Variants in SYNJ2 observed in about 807,000 individuals in gnomAD.
SYNJ2 encodes the protein polyphosphatidylinositol phosphatase SYNJ2.
SYNJ2 carries 116 observed loss-of-function variants against 141.3 expected under a neutral mutation model. The observed-to-expected ratio is 0.82, with a 90% CI of 0.71 to 0.96. The LOEUF (loss-of-function observed/expected upper bound fraction) is 0.96, where lower values mean the gene tolerates loss of function less well. Ranked by LOEUF, SYNJ2 falls within the 40% of genes least tolerant of loss-of-function variation. SYNJ2 has a pLI of 0.00. For synonymous variants in SYNJ2, 745 were observed against 777.7 expected, an observed-to-expected ratio of 0.96 and a Z score of 0.70; for missense variants, 1,873 against 1,934.8, an observed-to-expected ratio of 0.97 and a Z score of 0.60.
At chr6:158,068,772 C>T in intron 13 of SYNJ2, 44 bp downstream of exon 13, 1 of 1,605,608 alleles carries the variant, frequency 6.2e-7, no homozygotes, top group South Asian at 1.1e-5. Flanking sequence ...CTTCCTGAGT[C>T]AGGTGCCTGG....
intron 1 of SYNJ2, among the ~76,000 whole-genome samples, chr6:157,987,671 G>A (rs1025848000): frequency 6.6e-6 from 1 of 152,152 alleles, no homozygotes; most frequent in Non-Finnish European, 1.5e-5. Context: ...CAAAGTTCTG[G>A]GATTACAGAC....
chr6:158,047,774 CAAAAAAAAAAAAAAAAAAAA>C, intron 5 of SYNJ2, among the ~76,000 whole-genome samples: 1 of 32,384 alleles, frequency 3.1e-5, no homozygotes, highest in South Asian at 2.9e-3. Context: ...GCGACTCTGT[CAAAAAAAAAAAAAAAAAAAA>C]AAAAAAAAAA....
intron 20 of SYNJ2, among the ~76,000 whole-genome samples, chr6:158,082,131 A>G (rs1782730703): frequency 1.3e-5 from 2 of 152,138 alleles, no homozygotes; most frequent in Admixed American, 6.5e-5. Flanking sequence ...TAGATCACCC[A>G]AGGTCAGGAG....
chr6:157,989,304 C>G (rs1158532756), intron 1 of SYNJ2, among the ~76,000 whole-genome samples: 1 of 151,842 alleles, frequency 6.6e-6, no homozygotes, highest in African/African-American at 2.4e-5. Context: ...CTAGTAATCT[C>G]CATTTTACAC....
intron 4 of SYNJ2, among the ~76,000 whole-genome samples, chr6:158,041,625 A>T (rs1033111326): frequency 6.6e-6 from 1 of 152,194 alleles, no homozygotes; most frequent in African/African-American, 2.4e-5. Context: ...GCCTGATGTG[A>T]TGCTGGAAGT....
intron 15 of SYNJ2, among the ~76,000 whole-genome samples, chr6:158,073,897 CTTTG>C (rs201297517): frequency 3.8e-5 from 2 of 52,742 alleles, no homozygotes; most frequent in Non-Finnish European, 4.2e-5. Context: ...TGTTTCTGAA[CTTTG>C]TTTTTTTTTT....
intron 7 of SYNJ2, among the ~76,000 whole-genome samples, chr6:158,059,847 G>A (rs191708089): frequency 9.3e-4 from 141 of 152,300 alleles, no homozygotes; most frequent in Middle Eastern, 3.4e-3. Flanking sequence ...GAGCCACCGC[G>A]CCCGGCCTAG....
At chr6:158,087,979 C>T (rs1783173024) in intron 23 of SYNJ2, among the ~76,000 whole-genome samples, 2 of 102,554 alleles carry the variant, frequency 2.0e-5, no homozygotes, top group African/African-American at 6.7e-5. Flanking sequence ...TGTTCTAAAA[C>T]ATGATTTGTT....
rs1379905982 is a variant in SYNJ2, at chr6:158,066,563, G to A, written c.1645G>A (p.Val549Met). Residue 549 changes from valine (V) to methionine (M), a missense_variant, in exon 12 of 27, where the codon GTG becomes ATG. Physicochemically the swap from Val to Met is conservative, Grantham distance 21. Transcript: ENST00000355585. ...CGGAGGAAAGCAGTTCCGGAGCAAC[G>A]TGCTCAGGACGGCGGAGCTGACAGA... Reference protein sequence around the residue: ...VNGGKQFRSNVLRTAELTDWL... With the variant: ...VNGGKQFRSNMLRTAELTDWL... 9.9e-6 allele frequency: 16 copies of A among 1,614,048 alleles called. No homozygotes were observed. The highest frequency in any genetic ancestry group is 1.7e-5 in the Admixed American group (1 of 60,006).
chr6:158,083,933 C>A (rs1782868594), intron 21 of SYNJ2, 68 bp from the exon 22 acceptor site: 1 of 1,567,184 alleles, frequency 6.4e-7, no homozygotes, highest in East Asian at 2.2e-5. Context: ...ACCAGTCCCA[C>A]TGATGGAAGA....
intron 6 of SYNJ2, among the ~76,000 whole-genome samples, chr6:158,056,502 C>T (rs1316693443): frequency 6.6e-6 from 1 of 152,192 alleles, no homozygotes; most frequent in African/African-American, 2.4e-5. Context: ...GGAGCCCTCC[C>T]GTTCCCTTGC....
At chr6:158,092,905 C>T in intron 25 of SYNJ2, 21 bp from the exon 26 acceptor site, 1 of 1,570,840 alleles carries the variant, frequency 6.4e-7, no homozygotes, top group Non-Finnish European at 8.6e-7. Context: ...TACACTTCAG[C>T]CATGTGGTTT....
At chr6:158,026,836 G>A in intron 2 of SYNJ2, 1 of 985,406 alleles carries the variant, frequency 1.0e-6, no homozygotes, top group Non-Finnish European at 1.2e-6. Context: ...AGAAGAGGCA[G>A]GTGGGTGCCG....
In SYNJ2 at chr6:158,048,126, G is replaced by T. The variant is rs145541430; in HGVS notation, c.795+4727G>T. Among the ~76,000 whole-genome samples, 545 of 152,326 alleles carry T rather than the reference G, an allele frequency of 3.6e-3. 1 individual carries two copies. Among genetic ancestry groups the T allele is most frequent in the African/African-American group, 0.013 (522 of 41,560 alleles). On this transcript the variant is annotated intron_variant, in intron 5 of 26. Transcript: ENST00000355585. ...CGTCTGCCAGGTGTAGGGGGCACCA[G>T]GGATCAGATACAGTCCCTACCTTCA...
chr6:158,078,359 T>C, intron 18 of SYNJ2, 78 bp downstream of exon 18: 1 of 933,636 alleles, frequency 1.1e-6, no homozygotes, highest in Non-Finnish European at 1.7e-6. Context: ...AAATGCATGC[T>C]GTCCCCATAA....
At chr6:158,030,913 AAAAT>A (rs1293815228) in intron 3 of SYNJ2, 3 of 152,252 alleles carry the variant, frequency 2.0e-5, no homozygotes, top group Non-Finnish European at 4.4e-5. Context: ...TAAATAAAAT[AAAAT>A]AAATAAAATC....
Position 158,089,955 on chromosome 6 carries a change from C to T in SYNJ2, c.3565+8C>T. ...TCCTGGAAGCCAGAGGAGGTAGGTG[C>T]TTTCCTGGGGGCAGGGGAAAAACCA... On this transcript the variant is annotated splice_region_variant and intron_variant, in intron 25 of 26. Coordinates refer to ENST00000355585, the MANE Select transcript of SYNJ2 (RefSeq NM_003898.4). The T allele has an allele frequency of 6.2e-7, 1 of 1,602,860 alleles. No homozygotes were observed. Among genetic ancestry groups the T allele is most frequent in the Non-Finnish European group, 8.5e-7 (1 of 1,169,852 alleles).
At chr6:157,985,962 C>A (rs553455215) in intron 1 of SYNJ2, among the ~76,000 whole-genome samples, 1 of 152,180 alleles carries the variant, frequency 6.6e-6, no homozygotes, top group Non-Finnish European at 1.5e-5. Context: ...TGCGAGGCCA[C>A]GTCTCGAGTT....
chr6:158,027,070 C>A lies in SYNJ2; in HGVS notation c.215-1686C>A, dbSNP rs1455764521. The A allele has an allele frequency of 1.0e-6, 1 of 985,276 alleles. No homozygotes were observed. The highest frequency in any genetic ancestry group is 1.2e-6 in the Non-Finnish European group (1 of 829,934). 61.0% of individuals were successfully genotyped at this position (985,276 alleles called of 1,614,324 possible). ...CCCCACCCCATGGCATAGCAGCAGGCCCCTGGGAGCCCTGAGCGCTCATTA... is the reference window on the plus strand; with the variant it reads ...CCCCACCCCATGGCATAGCAGCAGGACCCTGGGAGCCCTGAGCGCTCATTA... On this transcript the variant is annotated intron_variant, in intron 2 of 26. Transcript: ENST00000355585. This position sits in a 1 kb window ranked among gnomAD's most constrained non-coding sequence, Gnocchi z 4.6.
Sources: gnomAD v4.1 joint callset for allele counts (sites outside exome capture counted in the v4.1 genomes callset) on GRCh38, gnomAD v4.1.1 for gene constraint, Gnocchi (gnomAD v3.1) non-coding constraint, MANE v1.5 for transcripts, NCBI Gene and HGNC (gene_info 2026-07-23, HGNC 2026-07-21) for gene names.